Variants in CFAP70 observed in about 807,000 individuals in gnomAD.
The protein encoded by CFAP70 is cilia- and flagella-associated protein 70.
In CFAP70, 81 loss-of-function variants were observed where a neutral mutation model predicts 137.6. The observed-to-expected ratio is 0.59, with a 90% CI of 0.49 to 0.71. CFAP70 has a LOEUF of 0.71. CFAP70 is among the 30% of genes least tolerant of loss of function. The pLI is 0.00. For synonymous variants in CFAP70, 382 were observed against 423.6 expected (o/e 0.90, Z 1.20); for missense variants, 976 against 1,226.7 (o/e 0.80, Z 3.05).
At chr10:73,358,374 C>G (rs2054828699) in intron 1 of CFAP70, among the ~76,000 whole-genome samples, 1 of 152,240 alleles carries the variant, frequency 6.6e-6, no homozygotes. Flanking sequence ...TCGGAAGAAG[C>G]TGCAAGGGGA....
intron 3 of CFAP70, among the ~76,000 whole-genome samples, chr10:73,349,825 C>T (rs1387781377): frequency 6.6e-6 from 1 of 152,170 alleles, no homozygotes. Context: ...TGCTCAAATA[C>T]TTTTATCATA....
chr10:73,341,493 G>A, exon 6 of CFAP70: 2 of 1,614,142 alleles, frequency 1.2e-6, no homozygotes. Flanking sequence ...CAGAATGTTG[G>A]CAATTGGCCA....
intron 12 of CFAP70, among the ~76,000 whole-genome samples, chr10:73,300,595 GCTCATGCCTGTAATCCTAGCA>G (rs1021171940): frequency 2.6e-5 from 4 of 152,134 alleles, no homozygotes; most frequent in African/African-American, 9.7e-5. Context: ...AGCCATGGTG[GCTCATGCCTGTAATCCTAGCA>G]CTTCGAGAGG....
At chr10:73,357,914 C>T (rs2054793161) in intron 1 of CFAP70, among the ~76,000 whole-genome samples, 1 of 152,230 alleles carries the variant, frequency 6.6e-6, no homozygotes, top group African/African-American at 2.4e-5. Flanking sequence ...CTTTACACGT[C>T]TTTTGTGGCA....
At chr10:73,345,039 A>G (rs781455995) in intron 5 of CFAP70, 26 bp downstream of exon 6, 25 of 1,604,130 alleles carry the variant, frequency 1.6e-5, no homozygotes, top group Non-Finnish European at 2.0e-5. Context: ...TTGAATCTCT[A>G]TAAATATCTG....
intron 7 of CFAP70, among the ~76,000 whole-genome samples, chr10:73,334,057 C>T (rs117320036): frequency 1.3e-5 from 2 of 152,292 alleles, no homozygotes; most frequent in Non-Finnish European, 2.9e-5. Flanking sequence ...TTCTGTAAAT[C>T]TAAAGCTGTC....
At chr10:73,280,707 AGTT>A (rs1237569818) in intron 19 of CFAP70, among the ~76,000 whole-genome samples, 4 of 152,182 alleles carry the variant, frequency 2.6e-5, no homozygotes, top group Non-Finnish European at 5.9e-5. Flanking sequence ...GTTGGCATTA[AGTT>A]GTTAATAACT....
chr10:73,261,726 C>G (rs2045220242), intron 25 of CFAP70, among the ~76,000 whole-genome samples: 1 of 151,952 alleles, frequency 6.6e-6, no homozygotes. Context: ...GAGCTGGTCT[C>G]AAACTCCCAG....
chr10:73,328,318 C>T (rs2051687737), intron 8 of CFAP70, among the ~76,000 whole-genome samples: 1 of 151,944 alleles, frequency 6.6e-6, no homozygotes, highest in Non-Finnish European at 1.5e-5. Context: ...CCCTTCCTTA[C>T]ACCTTATACA....
At chr10:73,303,592 A>G (rs975271251) in intron 12 of CFAP70, among the ~76,000 whole-genome samples, 1 of 119,848 alleles carries the variant, frequency 8.3e-6, no homozygotes, top group African/African-American at 3.5e-5. Context: ...AATGCCTTTG[A>G]AAAAAAAAAC....
intron 25 of CFAP70, among the ~76,000 whole-genome samples, chr10:73,268,364 C>A (rs541421389): frequency 1.3e-5 from 2 of 152,068 alleles, no homozygotes; most frequent in South Asian, 2.1e-4. Flanking sequence ...TTGTTGAACC[C>A]CTCTTTCTGG....
intron 9 of CFAP70, among the ~76,000 whole-genome samples, chr10:73,317,872 G>C (rs1222946494): frequency 6.6e-6 from 1 of 152,124 alleles, no homozygotes; most frequent in Non-Finnish European, 1.5e-5. Context: ...TAGGGTCACG[G>C]GGTAGATCTC....
At chr10:73,356,573 A>G (rs1489888800) in intron 1 of CFAP70, among the ~76,000 whole-genome samples, 3 of 152,192 alleles carry the variant, frequency 2.0e-5, no homozygotes, top group African/African-American at 7.2e-5. Context: ...GGTGATACAA[A>G]AGAGAAAACA....
At chr10:73,333,073 TAAGA>T (rs1307942493) in intron 7 of CFAP70, among the ~76,000 whole-genome samples, 1 of 152,118 alleles carries the variant, frequency 6.6e-6, no homozygotes, top group Non-Finnish European at 1.5e-5. Flanking sequence ...ATGGAAACTC[TAAGA>T]AAGAATCAAA....
chr10:73,315,261 T>C (rs2050247999), intron 9 of CFAP70, among the ~76,000 whole-genome samples: 1 of 150,568 alleles, frequency 6.6e-6, no homozygotes, highest in Admixed American at 6.6e-5. Context: ...TATTCACATA[T>C]ATACAATGTA....
At chr10:73,313,350 C>T (rs1206882419) in intron 9 of CFAP70, among the ~76,000 whole-genome samples, 11 of 126,786 alleles carry the variant, frequency 8.7e-5, no homozygotes, top group Admixed American at 1.9e-4. Flanking sequence ...CCAGCTTGGG[C>T]GATAGAGCGA....
At chr10:73,261,976 A>G (rs2045262696) in intron 25 of CFAP70, among the ~76,000 whole-genome samples, 1 of 134,732 alleles carries the variant, frequency 7.4e-6, no homozygotes, top group African/African-American at 2.5e-5. Context: ...CATATTATAT[A>G]TATGTATACA....
At chr10:73,358,902 G>C (rs1194449462), upstream of CFAP70, 1 of 152,268 alleles carries the variant, frequency 6.6e-6, no homozygotes, top group Non-Finnish European at 1.5e-5. Flanking sequence ...TCCTCACTTC[G>C]AGAGCCTGCT....
intron 1 of CFAP70, among the ~76,000 whole-genome samples, chr10:73,356,092 T>G (rs1199229033): frequency 6.6e-6 from 1 of 152,208 alleles, no homozygotes; most frequent in Non-Finnish European, 1.5e-5. Flanking sequence ...GGTCTTAATG[T>G]ATTTCTTATT....
Sources: gnomAD v4.1 joint callset for allele counts (sites outside exome capture counted in the v4.1 genomes callset) on GRCh38, gnomAD v4.1.1 for gene constraint, MANE v1.5 for transcripts, NCBI Gene and HGNC (gene_info 2026-07-23, HGNC 2026-07-21) for gene names.